The following CALD1 variants were observed in gnomAD, a reference collection of about 807,000 sequenced individuals.
CALD1 encodes the protein caldesmon 1.
Under a neutral mutation model 99.9 loss-of-function variants are expected in CALD1, and 33 were observed. That is an observed-to-expected ratio of 0.33 (90% CI 0.25 to 0.44). The LOEUF is 0.44. CALD1 is among the 20% of genes least tolerant of loss of function. The pLI is 1.00. For missense variants in CALD1, 861 were observed against 962.1 expected (o/e 0.89, Z 1.39); for synonymous variants, 310 against 325.0 (o/e 0.95, Z 0.50).
intron 1 of CALD1, among the ~76,000 whole-genome samples, chr7:134,802,418 C>A (rs1306620067): frequency 1.1e-5 from 1 of 91,566 alleles, no homozygotes; most frequent in Non-Finnish European, 2.5e-5. Flanking sequence ...ATTTTTTAAA[C>A]TTAATAATAT....
intron 1 of CALD1, among the ~76,000 whole-genome samples, chr7:134,804,067 C>G (rs548059283): frequency 6.6e-6 from 1 of 152,204 alleles, no homozygotes; most frequent in Non-Finnish European, 1.5e-5. Context: ...AAATACCAAA[C>G]TGTCTTGATT....
At chr7:134,920,632 C>G in intron 3 of CALD1, 1 of 1,289,282 alleles carries the variant, frequency 7.8e-7, no homozygotes, top group Non-Finnish European at 1.0e-6. Flanking sequence ...TGCCTTCTCT[C>G]AAATGACTTC....
intron 2 of CALD1, chr7:134,866,744 G>C (rs772301314): frequency 2.6e-5 from 4 of 152,138 alleles, no homozygotes; most frequent in Non-Finnish European, 5.9e-5. Context: ...GCGCAGCAGA[G>C]AGTCTAGGAT....
At position 134,749,946 on chromosome 7, in the gene CALD1, C is replaced by A. The variant is rs532453510; in HGVS notation, c.-130+5583C>A. Among the ~76,000 whole-genome samples, 21 of 152,224 alleles carry A rather than the reference C, an allele frequency of 1.4e-4. No individual in the cohort carries two copies. The East Asian group carries it at 4.1e-3, about 29-fold the overall frequency. On this transcript the variant is annotated intron_variant, in intron 1 of 13. Transcript: ENST00000417172. Reference sequence around the variant, plus strand: ...GAATGCAGTTCCCAGTAAACAGGCGCCTTCTATAAGGGAACCATAGAAACT... The same window carrying A: ...GAATGCAGTTCCCAGTAAACAGGCGACTTCTATAAGGGAACCATAGAAACT...
intron 3 of CALD1, among the ~76,000 whole-genome samples, chr7:134,884,429 A>G (rs1801755507): frequency 6.6e-6 from 1 of 152,138 alleles, no homozygotes; most frequent in African/African-American, 2.4e-5. Flanking sequence ...GCTTCCTAAC[A>G]TCCTGGCTTG....
At chr7:134,888,291 A>G (rs1474928918) in intron 3 of CALD1, among the ~76,000 whole-genome samples, 1 of 152,168 alleles carries the variant, frequency 6.6e-6, no homozygotes, top group East Asian at 1.9e-4. Flanking sequence ...GATACCTATT[A>G]TCTTGCTGAA....
At chr7:134,863,038 C>T (rs1006630564) in intron 2 of CALD1, among the ~76,000 whole-genome samples, 2 of 152,126 alleles carry the variant, frequency 1.3e-5, no homozygotes, top group African/African-American at 4.8e-5. Flanking sequence ...CATTATCTCC[C>T]CTCTGTGTTT....
intron 2 of CALD1, among the ~76,000 whole-genome samples, chr7:134,852,378 G>A (rs796936396): frequency 6.6e-6 from 1 of 151,938 alleles, no homozygotes; most frequent in Non-Finnish European, 1.5e-5. Context: ...GGTAGGGTGG[G>A]GAGAGGAATC....
At chr7:134,944,841 A>T (rs528503575) in intron 7 of CALD1, among the ~76,000 whole-genome samples, 2 of 152,352 alleles carry the variant, frequency 1.3e-5, no homozygotes, top group Admixed American at 1.3e-4. Flanking sequence ...AATTCTGCTT[A>T]GTGAAGTCCC....
chr7:134,775,609 G>A (rs1796912144), upstream of CALD1, among the ~76,000 whole-genome samples: 1 of 152,264 alleles, frequency 6.6e-6, no homozygotes, highest in South Asian at 2.1e-4. Context: ...TACTCGGGAG[G>A]CTGAGGCAGT....
chr7:134,939,742 C>T (rs1216561137), intron 6 of CALD1, among the ~76,000 whole-genome samples: 1 of 152,096 alleles, frequency 6.6e-6, no homozygotes, highest in Non-Finnish European at 1.5e-5. Context: ...GTGGGCAGAT[C>T]ACTTGAGGTC....
At chr7:134,735,299 A>G in the CALD1 span, among the ~76,000 whole-genome samples, 1 of 152,196 alleles carries the variant, frequency 6.6e-6, no homozygotes, top group Non-Finnish European at 1.5e-5. Context: ...CACTTGATTC[A>G]AAATGTAGAT....
At chr7:134,767,685 G>A (rs887216388) in intron 1 of CALD1, among the ~76,000 whole-genome samples, 1 of 152,232 alleles carries the variant, frequency 6.6e-6, no homozygotes, top group Non-Finnish European at 1.5e-5. Context: ...TGCATGGCTG[G>A]GTAAGCACGT....
At chr7:134,952,473 CT>C (rs747660510) in intron 9 of CALD1, among the ~76,000 whole-genome samples, 534 of 140,772 alleles carry the variant, frequency 3.8e-3, no homozygotes, top group Middle Eastern at 7.3e-3. Flanking sequence ...TTCCCTTAGT[CT>C]TTTTTTTTTT....
chr7:134,949,143 A>G (rs1328694039), intron 8 of CALD1, among the ~76,000 whole-genome samples: 3 of 152,196 alleles, frequency 2.0e-5, no homozygotes, highest in Admixed American at 6.5e-5. Context: ...AGTAGGTATC[A>G]TTATTGCCAT....
chr7:134,950,562 AT>A, intron 9 of CALD1, 48 bp downstream of exon 9: 1 of 1,483,048 alleles, frequency 6.7e-7, no homozygotes, highest in Non-Finnish European at 9.4e-7. Flanking sequence ...TAGAGACTGG[AT>A]TTTAGCCCCT....
chr7:134,738,229 G>C, the CALD1 span, among the ~76,000 whole-genome samples: 1 of 152,196 alleles, frequency 6.6e-6, no homozygotes, highest in Non-Finnish European at 1.5e-5. Flanking sequence ...GGGAAATGGA[G>C]AATCAGTTCA....
At position 134,880,222 on chromosome 7, in the gene CALD1, A is replaced by G. The variant is rs997351860; in HGVS notation, c.71+12418A>G. On this transcript the variant is annotated intron_variant, in intron 3 of 14. Transcript: ENST00000361675. ...TTTGCATGCTTCATGGGGCTCTCCA[A>G]ATAAAAGCTAGATAACTCAGAGCCG... 2.0e-5 allele frequency among the ~76,000 whole-genome samples: 3 copies of G among 152,296 alleles called. No homozygotes were observed. The East Asian group carries it at 5.8e-4, about 29-fold the overall frequency.
intron 3 of CALD1, among the ~76,000 whole-genome samples, chr7:134,899,203 T>G (rs1029165928): frequency 1.4e-4 from 22 of 151,772 alleles, no homozygotes; most frequent in African/African-American, 5.3e-4. Flanking sequence ...GCTTCTTTCT[T>G]TTTCTTTTTT....
Sources: gnomAD v4.1 joint callset for allele counts (sites outside exome capture counted in the v4.1 genomes callset) on GRCh38, gnomAD v4.1.1 for gene constraint, MANE v1.5 for transcripts, NCBI Gene and HGNC (gene_info 2026-07-23, HGNC 2026-07-21) for gene names.